The following B3GALT1 variants were observed in gnomAD, a reference collection of about 807,000 sequenced individuals.
B3GALT1 encodes beta-1,3-galactosyltransferase 1.
Under a neutral mutation model 23.2 loss-of-function variants are expected in B3GALT1, and 10 were observed. The ratio of observed to expected loss-of-function variants is 0.43; its 90% CI spans 0.27 to 0.73. The LOEUF (loss-of-function observed/expected upper bound fraction) is 0.73. B3GALT1 is among the 30% of genes least tolerant of loss of function. B3GALT1 has a pLI of 0.21. For synonymous variants in B3GALT1, 156 were observed against 141.5 expected (o/e 1.10, Z -0.73); for missense variants, 299 against 405.4 (o/e 0.74, Z 2.25).
At chr2:167,626,408 G>C (rs1685347169) in intron 2 of B3GALT1, among the ~76,000 whole-genome samples, 1 of 151,332 alleles carries the variant, frequency 6.6e-6, no homozygotes, top group Admixed American at 6.6e-5. Flanking sequence ...TTACAATATA[G>C]GACAACAAAC....
chr2:167,513,820 T>G (rs1456144922), intron 2 of B3GALT1, among the ~76,000 whole-genome samples: 1 of 152,166 alleles, frequency 6.6e-6, no homozygotes, highest in African/African-American at 2.4e-5. Flanking sequence ...AGATGTACAC[T>G]CTTCAGTTTT....
intron 3 of B3GALT1, among the ~76,000 whole-genome samples, chr2:167,704,018 A>G (rs1686928221): frequency 6.6e-6 from 1 of 151,894 alleles, no homozygotes. Context: ...CGTCTCTACT[A>G]AAAATACAAA....
rs554688152 is a variant in B3GALT1 at position 167,815,599 on chromosome 2, T to A, written c.-351-3073T>A. The stretch of plus-strand genomic sequence containing the variant: ...CCAAATATTATTACTGTCTTGTTTA[T>A]CCTATTATGTCACTAAATTCTCCCA... On this transcript the variant is annotated intron_variant, in intron 3 of 4. Coordinates refer to ENST00000392690, the MANE Select transcript of B3GALT1 (RefSeq NM_020981.4). Among the ~76,000 whole-genome samples, 4 of 152,312 alleles carry A rather than the reference T, an allele frequency of 2.6e-5. No individual in the cohort carries two copies. The South Asian group carries it at 8.3e-4, about 32-fold the overall frequency.
intron 2 of B3GALT1, among the ~76,000 whole-genome samples, chr2:167,563,911 C>A (rs1466162227): frequency 8.4e-6 from 1 of 118,956 alleles, no homozygotes; most frequent in Non-Finnish European, 1.7e-5. Flanking sequence ...GGGGCCGATC[C>A]CCCCACCTCC....
intron 4 of B3GALT1, among the ~76,000 whole-genome samples, chr2:167,821,856 G>T (rs1574281445): frequency 6.6e-6 from 1 of 152,300 alleles, no homozygotes; most frequent in South Asian, 2.1e-4. Flanking sequence ...AGTCATTCTT[G>T]TACAGTTCTT....
chr2:167,512,610 ATATATATATACGTG>A (rs1338902316), intron 2 of B3GALT1, among the ~76,000 whole-genome samples: 6,062 of 110,662 alleles, frequency 0.055, 827 homozygotes, highest in African/African-American at 0.21. Context: ...ATATATATGT[ATATATATATACGTG>A]TATATATATA....
chr2:167,441,400 C>G (rs745988793), intron 1 of B3GALT1, among the ~76,000 whole-genome samples: 7 of 152,188 alleles, frequency 4.6e-5, no homozygotes, highest in Non-Finnish European at 1.0e-4. Context: ...ATAGCCCACC[C>G]TTCAGCCTTT....
At chr2:167,306,345 A>G (rs1696551708) in intron 1 of B3GALT1, among the ~76,000 whole-genome samples, 1 of 152,062 alleles carries the variant, frequency 6.6e-6, no homozygotes, top group Non-Finnish European at 1.5e-5. Context: ...AATTACGTAC[A>G]AGTCCTACTT....
At chr2:167,536,193 C>T (rs1411600992) in intron 2 of B3GALT1, among the ~76,000 whole-genome samples, 2 of 152,070 alleles carry the variant, frequency 1.3e-5, no homozygotes, top group East Asian at 3.9e-4. Context: ...AGGAGTGAGC[C>T]ACCGCGCCCA....
At chr2:167,664,505 A>G (rs1402938533) in intron 3 of B3GALT1, among the ~76,000 whole-genome samples, 4 of 152,088 alleles carry the variant, frequency 2.6e-5, no homozygotes, top group East Asian at 1.9e-4. Flanking sequence ...GAAGAAAGTC[A>G]TTGGTAGCTT....
At chr2:167,797,143 C>T (rs560803641) in intron 3 of B3GALT1, among the ~76,000 whole-genome samples, 1 of 152,184 alleles carries the variant, frequency 6.6e-6, no homozygotes, top group Non-Finnish European at 1.5e-5. Context: ...TATCCCCCAA[C>T]AGGCCCCAGT....
chr2:167,716,186 G>A (rs1379880582), intron 3 of B3GALT1: 1 of 1,080,050 alleles, frequency 9.3e-7, no homozygotes, highest in Non-Finnish European at 1.3e-6. Context: ...GCGGACTACT[G>A]CGGAGCCGGC....
At chr2:167,590,406 A>C (rs1684659366) in intron 2 of B3GALT1, among the ~76,000 whole-genome samples, 1 of 151,634 alleles carries the variant, frequency 6.6e-6, no homozygotes, top group Non-Finnish European at 1.5e-5. Context: ...CTTAATACCT[A>C]GGTGATGGGT....
intron 3 of B3GALT1, among the ~76,000 whole-genome samples, chr2:167,697,352 C>A (rs1298734019): frequency 6.6e-6 from 1 of 152,176 alleles, no homozygotes. Context: ...TTCATCCTAG[C>A]ATCAAAGCTC....
intron 2 of B3GALT1, among the ~76,000 whole-genome samples, chr2:167,558,512 C>G (rs1186374835): frequency 6.6e-6 from 1 of 152,220 alleles, no homozygotes; most frequent in Non-Finnish European, 1.5e-5. Context: ...GGCATTGACT[C>G]ACTCCAGAAG....
chr2:167,502,898 G>T (rs937901489), intron 2 of B3GALT1, among the ~76,000 whole-genome samples: 6 of 152,058 alleles, frequency 3.9e-5, no homozygotes, highest in African/African-American at 1.4e-4. Flanking sequence ...AATTAGCTGG[G>T]CATGGTGGCA....
chr2:167,511,211 G>GA (rs1176106239), intron 2 of B3GALT1, among the ~76,000 whole-genome samples: 1 of 152,156 alleles, frequency 6.6e-6, no homozygotes, highest in Non-Finnish European at 1.5e-5. Context: ...AAACGATATG[G>GA]AAAATGATAT....
In B3GALT1 at chr2:167,697,447, A is replaced by G. The variant is rs144219072; in HGVS notation, c.-352+50481A>G. On this transcript the variant is annotated intron_variant, in intron 3 of 4. Coordinates refer to ENST00000392690, the MANE Select transcript of B3GALT1 (RefSeq NM_020981.4). Reference sequence around the variant, plus strand: ...TGGTCCTGTTCAACAAGGTAACCCAACTGTCTCTGGTTTCCCATTTGAGAA... The same window carrying G: ...TGGTCCTGTTCAACAAGGTAACCCAGCTGTCTCTGGTTTCCCATTTGAGAA... Among the ~76,000 whole-genome samples the G allele has an allele frequency of 7.3e-3, 1,106 of 152,282 alleles. 9 individuals are homozygous for G. Among genetic ancestry groups the G allele is most frequent in the Non-Finnish European group, 0.011 (726 of 68,012 alleles).
At chr2:167,387,082 C>T (rs1234756994) in intron 1 of B3GALT1, among the ~76,000 whole-genome samples, 2 of 151,814 alleles carry the variant, frequency 1.3e-5, no homozygotes, top group Non-Finnish European at 2.9e-5. Context: ...ACCAGGGAGT[C>T]TTCATTGCTG....
Sources: gnomAD v4.1 joint callset for allele counts (sites outside exome capture counted in the v4.1 genomes callset) on GRCh38, gnomAD v4.1.1 for gene constraint, MANE v1.5 for transcripts, NCBI Gene and HGNC (gene_info 2026-07-23, HGNC 2026-07-21) for gene names.